The following TGIF1 variants were observed in gnomAD, a reference collection of about 807,000 sequenced individuals.
TGIF1 encodes homeobox protein TGIF1.
TGIF1 carries 4 observed loss-of-function variants against 19.3 expected under a neutral mutation model. The observed-to-expected ratio is 0.21, with a 90% confidence interval of 0.10 to 0.47. The LOEUF (loss-of-function observed/expected upper bound fraction) is 0.47. TGIF1 is among the 20% of genes least tolerant of loss of function. The probability of loss-of-function intolerance (pLI) is 0.98; values close to 1 mark genes in which losing one functional copy is unlikely to be tolerated. For missense variants in TGIF1, 275 were observed against 341.4 expected (o/e 0.81, Z 1.53); for synonymous variants, 122 against 129.3 (o/e 0.94, Z 0.38).
chr18:3,438,588 T>TCACACAAACACACACACACACAC (rs2082642844), intron 2 of TGIF1, among the ~76,000 whole-genome samples: 1 of 43,524 alleles, frequency 2.3e-5, no homozygotes, highest in Non-Finnish European at 5.9e-5. Flanking sequence ...CATCATTTCA[T>TCACACAAACACACACACACACAC]ACACACAAAC....
At chr18:3,416,057 T>C (rs2143108084) in intron 1 of TGIF1, among the ~76,000 whole-genome samples, 1 of 152,296 alleles carries the variant, frequency 6.6e-6, no homozygotes, top group South Asian at 2.1e-4. Flanking sequence ...TTTGATATTG[T>C]TTCTCAGAGT....
chr18:3,452,347 C>T, intron 1 of TGIF1: 3 of 1,613,340 alleles, frequency 1.9e-6, no homozygotes, highest in Non-Finnish European at 2.5e-6. Flanking sequence ...GCACAGGGTC[C>T]AGCTCCTCGG....
chr18:3,457,753 C>G lies in TGIF1; in HGVS notation c.632C>G (p.Thr211Ser). The change falls in exon 3 of 3, where the codon ACC becomes AGC. Residue 211 changes from threonine (T) to serine (S), a missense_variant. Thr to Ser is a moderately conservative substitution (Grantham distance 58). Transcript: ENST00000343820. This position sits in a 1 kb window ranked among gnomAD's most constrained non-coding sequence, Gnocchi z 4.9. Reference sequence around the variant, plus strand: ...ATAGCGGCCAAAAACTTCACAGACACCTCTCTCATGTACCCAGAGGACACT... The same window carrying G: ...ATAGCGGCCAAAAACTTCACAGACAGCTCTCTCATGTACCCAGAGGACACT... ...QQIAAKNFTD[T>S]SLMYPEDTCK... The G allele has an allele frequency of 6.2e-7, 1 of 1,614,148 alleles. No individual in the cohort carries two copies. The highest frequency in any genetic ancestry group is 8.5e-7 in the Non-Finnish European group (1 of 1,180,044).
intron 2 of TGIF1, among the ~76,000 whole-genome samples, chr18:3,426,707 C>T (rs776925542): frequency 2.0e-5 from 3 of 152,074 alleles, no homozygotes; most frequent in Non-Finnish European, 2.9e-5. Flanking sequence ...CAAAGCCACA[C>T]GTTTATTTTT....
upstream of TGIF1, chr18:3,448,042 A>C: frequency 1.0e-6 from 1 of 984,550 alleles, no homozygotes; most frequent in Non-Finnish European, 1.2e-6. Context: ...GGAAGAGGGA[A>C]ACATTTTTGT....
intron 2 of TGIF1, among the ~76,000 whole-genome samples, chr18:3,422,076 C>G (rs2082405903): frequency 6.6e-6 from 1 of 151,688 alleles, no homozygotes; most frequent in African/African-American, 2.4e-5. Context: ...CACCTGTAAT[C>G]CTAGCTACTC....
At chr18:3,441,934 A>T (rs1470023617) in intron 2 of TGIF1, among the ~76,000 whole-genome samples, 6 of 152,174 alleles carry the variant, frequency 3.9e-5, no homozygotes, top group African/African-American at 1.4e-4. Flanking sequence ...CCCCTATACC[A>T]GCTCTTCTCT....
At chr18:3,449,538 TC>T (rs1254573531), upstream of TGIF1, 11 of 963,198 alleles carry the variant, frequency 1.1e-5, no homozygotes, top group South Asian at 2.9e-4. Context: ...GTCTCATCAT[TC>T]CCCCCCGCCC....
chr18:3,452,688 C>G lies in TGIF1; in HGVS notation c.16+2183C>G, dbSNP rs113062522. On this transcript the variant is annotated intron_variant, in intron 1 of 2. Coordinates refer to ENST00000343820, the MANE Select transcript of TGIF1 (RefSeq NM_003244.4). The stretch of plus-strand genomic sequence containing the variant: ...CCCTCCCTCTCCCCGTGCTCCTCCG[C>G]CGTCCTCCTCTAAAACTACCTGGGA... Among the ~76,000 whole-genome samples, 6 of 152,156 alleles carry G rather than the reference C, an allele frequency of 3.9e-5. No individual in the cohort carries two copies. The South Asian group carries it at 1.0e-3, about 26-fold the overall frequency.
In TGIF1 at chr18:3,422,530, T is replaced by C. The variant is rs553234926; in HGVS notation, c.-45+4315T>C. Among the ~76,000 whole-genome samples the C allele has an allele frequency of 5.9e-4, 89 of 151,754 alleles. 1 individual carries two copies. The Middle Eastern group carries it at 0.01, about 17-fold the overall frequency. ...TTTAAAAAATAAAATGTAGCCAAAG[T>C]GTATATCATTTATAAAGTCTACAAT... On this transcript the variant is annotated intron_variant, in intron 2 of 3. Transcript: ENST00000401449.
At chr18:3,426,580 T>C (rs1301574687) in intron 2 of TGIF1, among the ~76,000 whole-genome samples, 1 of 152,142 alleles carries the variant, frequency 6.6e-6, no homozygotes, top group East Asian at 1.9e-4. Context: ...ATGTCTGTCT[T>C]CCATATTTGT....
chr18:3,438,596 A>AACACAC lies in TGIF1; in HGVS notation c.-44-17731_-44-17726dup, dbSNP rs56864804. 4.8e-3 allele frequency among the ~76,000 whole-genome samples: 656 copies of AACACAC among 136,088 alleles called. 5 individuals are homozygous for AACACAC. The highest frequency in any genetic ancestry group is 0.014 in the African/African-American group (521 of 37,470). 89.3% of individuals were successfully genotyped at this position (136,088 alleles called of 152,430 possible). ...CCATTCCCATCATTTCATACACACA[A>AACACAC]ACACACACACACACACACACACACA... On this transcript the variant is annotated intron_variant, in intron 2 of 3. Coordinates refer to the TGIF1 transcript ENST00000401449.
chr18:3,437,858 C>T (rs1010072325), intron 2 of TGIF1, among the ~76,000 whole-genome samples: 7 of 152,106 alleles, frequency 4.6e-5, no homozygotes, highest in African/African-American at 9.7e-5. Context: ...CCAAGGCAGG[C>T]GGATCACCTG....
At chr18:3,423,691 A>G (rs1030474889) in intron 2 of TGIF1, among the ~76,000 whole-genome samples, 6 of 151,938 alleles carry the variant, frequency 3.9e-5, no homozygotes, top group Admixed American at 1.3e-4. Flanking sequence ...CTCAAAAAAA[A>G]AAGAGTTTTA....
intron 1 of TGIF1, among the ~76,000 whole-genome samples, chr18:3,413,641 G>C (rs1011456073): frequency 1.3e-5 from 2 of 151,956 alleles, no homozygotes; most frequent in Non-Finnish European, 2.9e-5. Flanking sequence ...ATGCCAAGGC[G>C]GGAGGATCAC....
Position 3,450,256 on chromosome 18 carries a change from C to T in TGIF1, c.-234C>T, listed in dbSNP as rs1396585947. ...GGGGAGAGAGTTGGGCGAGGGAGAG[C>T]CCCCGGCCGGCTGCCAGAAGATCCC... On this transcript the variant is annotated 5_prime_UTR_variant, in exon 1 of 3. Coordinates refer to ENST00000343820, the MANE Select transcript of TGIF1 (RefSeq NM_003244.4). 7.0e-6 allele frequency: 10 copies of T among 1,425,826 alleles called. No homozygotes were observed. The Admixed American group carries it at 1.7e-4, about 25-fold the overall frequency. The allele number at this position is 1,425,826 out of a possible 1,614,324, so 88.3% of individuals were successfully genotyped here. A position where few individuals can be genotyped will look rare whatever the true frequency, so the allele number is the denominator to read the frequency against.
At chr18:3,445,765 CAAAAAAAAAAA>C (rs755240649), upstream of TGIF1, among the ~76,000 whole-genome samples, 1,417 of 35,886 alleles carry the variant, frequency 0.039, 22 homozygotes, top group Non-Finnish European at 0.048. Context: ...AGAAGAAAAG[CAAAAAAAAAAA>C]AAAAAAAAAA....
intron 1 of TGIF1, among the ~76,000 whole-genome samples, chr18:3,416,213 G>C (rs930846008): frequency 6.6e-5 from 10 of 152,184 alleles, no homozygotes; most frequent in African/African-American, 2.4e-4. Flanking sequence ...AAGCTTGGAC[G>C]TTAGGTATAA....
At chr18:3,445,718 T>C (rs549412636), upstream of TGIF1, among the ~76,000 whole-genome samples, 369 of 57,130 alleles carry the variant, frequency 6.5e-3, 2 homozygotes, top group African/African-American at 0.025. Flanking sequence ...AGCAAGACTC[T>C]GTCTCAAAAA....
Sources: gnomAD v4.1 joint callset for allele counts (sites outside exome capture counted in the v4.1 genomes callset) on GRCh38, gnomAD v4.1.1 for gene constraint, Gnocchi (gnomAD v3.1) non-coding constraint, MANE v1.5 for transcripts, NCBI Gene and HGNC (gene_info 2026-07-23, HGNC 2026-07-21) for gene names.